Variants in ABLIM2 observed in about 807,000 individuals in gnomAD.
ABLIM2 encodes actin binding LIM protein family member 2.
A neutral mutation model predicts 97.7 loss-of-function variants in ABLIM2; 53 were observed. That is an observed-to-expected ratio of 0.54 (90% confidence interval 0.44 to 0.68). ABLIM2 has a LOEUF of 0.68. ABLIM2 is among the 30% of genes least tolerant of loss of function. The pLI is 0.00. For synonymous variants in ABLIM2, 361 were observed against 345.8 expected (o/e 1.04, Z -0.49); for missense variants, 835 against 867.2 (o/e 0.96, Z 0.47).
chr4:8,066,364 A>AG (rs1807529364), intron 6 of ABLIM2, among the ~76,000 whole-genome samples: 4 of 19,366 alleles, frequency 2.1e-4, no homozygotes, highest in Non-Finnish European at 3.8e-4. Flanking sequence ...GAGGGAGGGA[A>AG]GGAAGGAAGG....
At chr4:7,976,027 G>A (rs573215086) in intron 20 of ABLIM2, among the ~76,000 whole-genome samples, 2 of 152,158 alleles carry the variant, frequency 1.3e-5, no homozygotes, top group South Asian at 2.1e-4. Flanking sequence ...TCTTTCCCAC[G>A]CCTTAGACCA....
At chr4:7,985,381 C>T (rs1226603832) in intron 17 of ABLIM2, among the ~76,000 whole-genome samples, 1 of 152,156 alleles carries the variant, frequency 6.6e-6, no homozygotes, top group African/African-American at 2.4e-5. Flanking sequence ...CTCAGGGAGC[C>T]CCAGGGTCCA....
At chr4:8,084,493 G>T (rs1348750517) in intron 4 of ABLIM2, among the ~76,000 whole-genome samples, 1 of 152,224 alleles carries the variant, frequency 6.6e-6, no homozygotes, top group Non-Finnish European at 1.5e-5. Flanking sequence ...AAAGGACACA[G>T]GGGCTCCACG....
intron 1 of ABLIM2, among the ~76,000 whole-genome samples, chr4:8,131,666 C>T (rs114335492): frequency 0.023 from 2,728 of 120,280 alleles, 137 homozygotes; most frequent in African/African-American, 0.089. Flanking sequence ...CACAGCATCC[C>T]GCATCCCTGA....
At chr4:8,026,946 AGTGT>A (rs57678059) in intron 12 of ABLIM2, among the ~76,000 whole-genome samples, 1 of 128,718 alleles carries the variant, frequency 7.8e-6, no homozygotes, top group Non-Finnish European at 1.7e-5. Context: ...CTTTTACCTG[AGTGT>A]GTGTGTCTGC....
In ABLIM2 at chr4:8,071,833, A is replaced by T. The variant is rs552286828; in HGVS notation, c.675+5795T>A. On this transcript the variant is annotated intron_variant, in intron 6 of 20. Transcript: ENST00000447017. The surrounding 1 kb of genome is among the most constrained non-coding windows in gnomAD (Gnocchi z 6.2). Reference sequence around the variant, plus strand: ...CTGCTTGAGTGCCGTGCTCCCTGGAACGTGTGCCTGCGAGGGTGGACACCC... The same window carrying T: ...CTGCTTGAGTGCCGTGCTCCCTGGATCGTGTGCCTGCGAGGGTGGACACCC... The T allele has an allele frequency of 2.0e-6, 2 of 985,410 alleles. No individual in the cohort carries two copies. The highest frequency in any genetic ancestry group is 3.5e-5 in the African/African-American group (2 of 57,326). The allele number at this position is 985,410 out of a possible 1,614,324, so 61.0% of individuals were successfully genotyped here. A position where few individuals can be genotyped will look rare whatever the true frequency, so the allele number is the denominator to read the frequency against.
chr4:7,976,736 C>T (rs910545072), intron 20 of ABLIM2, among the ~76,000 whole-genome samples: 1 of 152,002 alleles, frequency 6.6e-6, no homozygotes, highest in Non-Finnish European at 1.5e-5. Flanking sequence ...CACACACATA[C>T]ACATATGCAA....
intron 12 of ABLIM2, among the ~76,000 whole-genome samples, chr4:8,024,805 GA>G (rs1237296424): frequency 2.0e-5 from 3 of 152,232 alleles, no homozygotes; most frequent in African/African-American, 7.2e-5. Context: ...GTACATTCTG[GA>G]AAGAGGCTGG....
rs1850809217 is a variant in ABLIM2 at position 8,140,507 on chromosome 4, G to A, written c.10+18173C>T. On this transcript the variant is annotated intron_variant, in intron 1 of 20. Transcript: ENST00000447017. This position sits in a 1 kb window ranked among gnomAD's most constrained non-coding sequence, Gnocchi z 5.9. The stretch of plus-strand genomic sequence containing the variant: ...GGGAGCATGGGGGAAAGGGGGCAGT[G>A]ACACGGGGGCCTTGCCTGCATGTGG... Among the ~76,000 whole-genome samples the A allele has an allele frequency of 6.6e-6, 1 of 152,054 alleles. No homozygotes were observed. The highest frequency in any genetic ancestry group is 2.1e-4 in the South Asian group (1 of 4,806).
chr4:8,131,864 TC>T (rs1473901412), intron 1 of ABLIM2, among the ~76,000 whole-genome samples: 2 of 67,268 alleles, frequency 3.0e-5, no homozygotes, highest in African/African-American at 1.2e-4. Flanking sequence ...GCAGCCCGCA[TC>T]CCCTGCACAG....
intron 2 of ABLIM2, among the ~76,000 whole-genome samples, chr4:8,100,749 GAAAAAAAA>G: frequency 1.0e-5 from 1 of 100,226 alleles, no homozygotes; most frequent in South Asian, 3.8e-4. Flanking sequence ...TCCATCTCAG[GAAAAAAAA>G]AAAAAAAAAA....
At chr4:7,988,456 T>A (rs901431424) in intron 17 of ABLIM2, among the ~76,000 whole-genome samples, 1 of 152,244 alleles carries the variant, frequency 6.6e-6, no homozygotes, top group Non-Finnish European at 1.5e-5. Context: ...TGAGATCATA[T>A]GACAAATACA....
intron 1 of ABLIM2, among the ~76,000 whole-genome samples, chr4:8,114,768 G>A (rs1301952349): frequency 6.9e-6 from 1 of 145,264 alleles, no homozygotes; most frequent in Non-Finnish European, 1.5e-5. Context: ...CCAAGAGCTA[G>A]GCCAGCACCG....
At chr4:7,983,664 A>C in intron 18 of ABLIM2, 110 bp from the exon 19 acceptor site, 1 of 1,351,466 alleles carries the variant, frequency 7.4e-7, no homozygotes, top group Non-Finnish European at 1.0e-6. Flanking sequence ...CCCTGCAGTC[A>C]CCTGGGCCAT....
In ABLIM2 at chr4:8,000,276, T is replaced by C. The variant is rs564895790; in HGVS notation, c.1619-7349A>G. ...AGAGGGCTTGCCATGGCCTGGCTTG[T>C]AGACTCGAGATGCTGAGCCTCAACA... On this transcript the variant is annotated intron_variant, in intron 16 of 20. Coordinates refer to ENST00000447017, the MANE Select transcript of ABLIM2 (RefSeq NM_001130083.2). Among the ~76,000 whole-genome samples, 3 of 152,220 alleles carry C rather than the reference T, an allele frequency of 2.0e-5. No individual in the cohort carries two copies. In the East Asian group the frequency reaches 5.8e-4, roughly 29 times the overall value.
In ABLIM2 at chr4:8,148,602, C is replaced by CACA. The variant is rs200756733; in HGVS notation, c.10+10077_10+10078insTGT. ...TAAGGATTATAGGGTGAAAGCACAT[C>CACA]GCGGTGCTGGGTCCACACTGGGGAA... On this transcript the variant is annotated intron_variant, in intron 1 of 20. Transcript: ENST00000447017. This position sits in a 1 kb window ranked among gnomAD's most constrained non-coding sequence, Gnocchi z 6.7. Among the ~76,000 whole-genome samples the CACA allele has an allele frequency of 5.9e-5, 9 of 151,280 alleles. No homozygotes were observed. Among genetic ancestry groups the CACA allele is most frequent in the African/African-American group, 2.2e-4 (9 of 40,868 alleles).
At chr4:7,978,208 C>T (rs973832457) in intron 20 of ABLIM2, among the ~76,000 whole-genome samples, 7 of 152,118 alleles carry the variant, frequency 4.6e-5, no homozygotes, top group East Asian at 1.9e-4. Flanking sequence ...ACTCTCAGCC[C>T]GAGGCAGACA....
rs376436867 is a variant in ABLIM2, at chr4:7,983,540, C to A, written c.1743+7G>T. ...ACGGAGGTCAGTGTGGGAGCGGCCC[C>A]GCTTACCTTGTATTCTGTAAGAGAG... On this transcript the variant is annotated splice_region_variant and intron_variant, in intron 19 of 20. Coordinates refer to ENST00000447017, the MANE Select transcript of ABLIM2 (RefSeq NM_001130083.2). 2 of 1,613,126 alleles carry A rather than the reference C, an allele frequency of 1.2e-6. No homozygotes were observed. Among genetic ancestry groups the A allele is most frequent in the East Asian group, 2.2e-5 (1 of 44,864 alleles).
intron 3 of ABLIM2, among the ~76,000 whole-genome samples, chr4:8,094,936 TCTTCCTTTCCTCC>T (rs1185705609): frequency 7.1e-6 from 1 of 141,248 alleles, no homozygotes; most frequent in East Asian, 2.4e-4. Context: ...TCCCTCCCTT[TCTTCCTTTCCTCC>T]CTTCCTTTCC....
Sources: allele counts gnomAD v4.1 joint callset (sites outside exome capture counted in the v4.1 genomes callset), GRCh38; gene constraint gnomAD v4.1.1; non-coding constraint Gnocchi (gnomAD v3.1); transcripts MANE v1.5; gene names NCBI Gene and HGNC (gene_info 2026-07-23, HGNC 2026-07-21).